Variants in GLOD4 observed in about 807,000 individuals in gnomAD.
The protein encoded by GLOD4 is glyoxalase domain containing 4, also known as glyoxalase domain-containing protein 4.
In GLOD4, 44 loss-of-function variants were observed where a neutral mutation model predicts 39.1. The ratio of observed to expected loss-of-function variants is 1.13; its 90% CI spans 0.88 to 1.45. GLOD4 has a LOEUF of 1.45. Among genes scored for constraint, GLOD4 ranks in the 40% most tolerant of loss-of-function variants. GLOD4 has a pLI of 0.00. For synonymous variants in GLOD4, 145 were observed against 135.0 expected, an observed-to-expected ratio of 1.07 and a Z score of -0.52; for missense variants, 405 against 366.4, an observed-to-expected ratio of 1.11 and a Z score of -0.86.
Position 770,406 on chromosome 17 carries a change from G to A in GLOD4, c.630+15C>T. On this transcript the variant is annotated intron_variant, in intron 6 of 8. Coordinates refer to ENST00000301329, the MANE Select transcript of GLOD4 (RefSeq NM_016080.4). ...GCTAGTCAGAAAGCTCAAACGATCTGGTATCAAGCGTTACCTCTTTCTGGG... is the reference window on the plus strand; with the variant it reads ...GCTAGTCAGAAAGCTCAAACGATCTAGTATCAAGCGTTACCTCTTTCTGGG... 7.6e-7 allele frequency: 1 copy of A among 1,314,876 alleles called. No individual in the cohort carries two copies. Among genetic ancestry groups the A allele is most frequent in the South Asian group, 1.2e-5 (1 of 85,234 alleles). 81.5% of individuals were successfully genotyped at this position (1,314,876 alleles called of 1,614,324 possible).
In GLOD4 at chr17:775,895, C is replaced by T. The variant is rs764637083; in HGVS notation, c.286G>A (p.Ala96Thr). The T allele has an allele frequency of 2.5e-6, 4 of 1,613,516 alleles. No individual in the cohort carries two copies. Among genetic ancestry groups the T allele is most frequent in the Non-Finnish European group, 3.4e-6 (4 of 1,179,528 alleles). ...TCCAGCTTCCTGGCGTTGCTGACAGCCTGGCTAGAAGCGAGCGTGATTCCC... is the reference window on the plus strand; with the variant it reads ...TCCAGCTTCCTGGCGTTGCTGACAGTCTGGCTAGAAGCGAGCGTGATTCCC... ...FMGITLASSQ[A>T]VSNARKLEWP... The change falls in exon 4 of 9, where the codon GCT becomes ACT. Residue 96 changes from alanine (A) to threonine (T), a missense_variant. Coordinates refer to ENST00000301329, the MANE Select transcript of GLOD4 (RefSeq NM_016080.4).
In GLOD4 at chr17:767,796, G is replaced by A. The variant is rs1461039565; in HGVS notation, c.831+2073C>T. ...AGAGGATGTGAGAGAGAGAAACAGCGCGCACTCAGATTTTTAGAAGAAATC... is the reference window on the plus strand; with the variant it reads ...AGAGGATGTGAGAGAGAGAAACAGCACGCACTCAGATTTTTAGAAGAAATC... On this transcript the variant is annotated intron_variant, in intron 8 of 8. Coordinates refer to ENST00000301329, the MANE Select transcript of GLOD4 (RefSeq NM_016080.4). 2.8e-5 allele frequency among the ~76,000 whole-genome samples: 4 copies of A among 143,016 alleles called. No individual in the cohort carries two copies. The East Asian group carries it at 6.3e-4, about 22-fold the overall frequency. 93.8% of individuals were successfully genotyped at this position (143,016 alleles called of 152,430 possible). A position where few individuals can be genotyped will look rare whatever the true frequency, so the allele number is the denominator to read the frequency against.
chr17:783,364 T>A, upstream of GLOD4: 1 of 1,374,142 alleles, frequency 7.3e-7, no homozygotes, highest in Non-Finnish European at 9.9e-7. Flanking sequence ...TTTTTTTTTG[T>A]CTTGTTCTGT....
chr17:783,208 G>A (rs765512277), upstream of GLOD4: 4 of 1,613,994 alleles, frequency 2.5e-6, no homozygotes, highest in African/African-American at 5.3e-5. Flanking sequence ...TTCTTCTTTA[G>A]CCGTCTAGAA....
intron 4 of GLOD4, among the ~76,000 whole-genome samples, chr17:773,963 A>T (rs1189253842): frequency 6.6e-6 from 1 of 152,184 alleles, no homozygotes; most frequent in Admixed American, 6.5e-5. Flanking sequence ...GCCCAAGGGG[A>T]TTTCCATTCC....
chr17:764,290 T>C (rs559243137), intron 8 of GLOD4: 1 of 152,170 alleles, frequency 6.6e-6, no homozygotes, highest in South Asian at 2.1e-4. Context: ...GCCCTAGCTA[T>C]GTGGTGGCTG....
chr17:779,558 A>G (rs1474842897), intron 1 of GLOD4, among the ~76,000 whole-genome samples: 1 of 151,632 alleles, frequency 6.6e-6, no homozygotes, highest in Non-Finnish European at 1.5e-5. Context: ...GAATTGCTTG[A>G]ACACGGGAGG....
upstream of GLOD4, chr17:783,055 TG>T: frequency 6.6e-7 from 1 of 1,504,588 alleles, no homozygotes; most frequent in Non-Finnish European, 8.8e-7. Context: ...GATAGTTACC[TG>T]TTTTTTTTTT....
At chr17:771,855 T>TA (rs1907994521) in intron 4 of GLOD4, among the ~76,000 whole-genome samples, 2 of 150,950 alleles carry the variant, frequency 1.3e-5, no homozygotes, top group East Asian at 3.9e-4. Context: ...AAATAAAAAA[T>TA]AAAAAAAATT....
chr17:779,460 T>C (rs1015238274), intron 1 of GLOD4, among the ~76,000 whole-genome samples: 3 of 144,916 alleles, frequency 2.1e-5, no homozygotes, highest in African/African-American at 7.7e-5. Context: ...TGAAACCCCA[T>C]CTCTACTAAA....
rs181315495 is a variant in GLOD4 at position 760,924 on chromosome 17, T to C, written c.832-686A>G. On this transcript the variant is annotated intron_variant, in intron 8 of 8. Coordinates refer to ENST00000301329, the MANE Select transcript of GLOD4 (RefSeq NM_016080.4). ...TAACAGAGTGGGACCCCGTCTCATA[T>C]ACATACATACAGATACAAATAAAAA... Among the ~76,000 whole-genome samples the C allele has an allele frequency of 2.8e-4, 43 of 152,370 alleles. No homozygotes were observed. In the East Asian group the frequency reaches 8.3e-3, roughly 29 times the overall value.
chr17:783,379 C>A, upstream of GLOD4: 1 of 1,522,810 alleles, frequency 6.6e-7, no homozygotes, highest in African/African-American at 1.4e-5. Flanking sequence ...TTCTGTCACC[C>A]AGGCTGGAGT....
intron 8 of GLOD4, chr17:763,716 A>G (rs1371957675): frequency 6.6e-6 from 1 of 152,148 alleles, no homozygotes; most frequent in East Asian, 1.9e-4. Context: ...CCTTTATGTA[A>G]TATTACTGGA....
intron 1 of GLOD4, chr17:781,830 T>G (rs1223810213): frequency 2.1e-5 from 6 of 288,544 alleles, no homozygotes; most frequent in African/African-American, 1.3e-4. Context: ...ACACAAATAT[T>G]AACTAGAAAG....
rs115670184 is a variant in GLOD4, at chr17:770,486, C to T, written c.565G>A (p.Val189Ile). ...DNQCKLELQG[V>I]KGGVDHAAAF... The stretch of plus-strand genomic sequence containing the variant: ...GCTGCATGGTCCACCCCACCCTTGA[C>T]GCCCTGTAGCTCCAGCTTACACTGA... Residue 189 changes from valine to isoleucine, a missense_variant, in exon 6 of 9, where the codon GTC (valine) becomes ATC (isoleucine). Val to Ile is a conservative substitution (Grantham distance 29, BLOSUM62 3). Coordinates refer to ENST00000301329, the MANE Select transcript of GLOD4 (RefSeq NM_016080.4). The T allele has an allele frequency of 5.5e-5, 86 of 1,573,516 alleles. 1 individual carries two copies. The highest frequency in any genetic ancestry group is 7.3e-5 in the Non-Finnish European group (83 of 1,142,984).
chr17:774,165 A>C (rs1055196652), intron 4 of GLOD4, among the ~76,000 whole-genome samples: 1 of 152,186 alleles, frequency 6.6e-6, no homozygotes, highest in Non-Finnish European at 1.5e-5. Flanking sequence ...AGGCAGAGAA[A>C]CACCATCTCT....
chr17:776,219 T>C (rs933442785), intron 3 of GLOD4, among the ~76,000 whole-genome samples: 1 of 152,244 alleles, frequency 6.6e-6, no homozygotes, highest in Non-Finnish European at 1.5e-5. Flanking sequence ...TGATGTTACC[T>C]GGGTCTGCCA....
chr17:778,601 A>C (rs750306734), intron 2 of GLOD4, 94 bp downstream of exon 2: 1 of 827,804 alleles, frequency 1.2e-6, no homozygotes, highest in African/African-American at 1.7e-5. Flanking sequence ...TCCTTAATTA[A>C]TTCCACTGCT....
intron 4 of GLOD4, among the ~76,000 whole-genome samples, chr17:772,118 G>A (rs980248024): frequency 1.4e-5 from 2 of 146,866 alleles, no homozygotes; most frequent in Admixed American, 1.4e-4. Flanking sequence ...GAGCCCGGGA[G>A]GTTGAGGCTG....
Sources: allele counts gnomAD v4.1 joint callset (sites outside exome capture counted in the v4.1 genomes callset), GRCh38; gene constraint gnomAD v4.1.1; transcripts MANE v1.5; gene names NCBI Gene and HGNC (gene_info 2026-07-23, HGNC 2026-07-21).